The following RNF212B variants were observed in gnomAD, a reference collection of about 807,000 sequenced individuals.
The protein encoded by RNF212B is ring finger protein 212B, also known as E3 ubiquitin-protein ligase RNF212B.
Under a neutral mutation model 55.5 loss-of-function variants are expected in RNF212B, and 52 were observed. The observed-to-expected ratio is 0.94, with a 90% CI of 0.75 to 1.18. The LOEUF (loss-of-function observed/expected upper bound fraction) is 1.18, where lower values mean the gene tolerates loss of function less well. Among genes scored for constraint, RNF212B ranks in the 50% most tolerant of loss-of-function variants. RNF212B has a pLI of 0.00. For missense variants in RNF212B, 289 were observed against 350.4 expected (o/e 0.82, Z 1.40); for synonymous variants, 99 against 121.4 (o/e 0.82, Z 1.21).
chr14:23,241,974 C>T (rs1358323786), intron 2 of RNF212B, among the ~76,000 whole-genome samples: 1 of 147,956 alleles, frequency 6.8e-6, no homozygotes, highest in Non-Finnish European at 1.5e-5. Context: ...CCCAGCTACT[C>T]AGGAGGCTGA....
intron 4 of RNF212B, among the ~76,000 whole-genome samples, chr14:23,250,341 G>A (rs1276990882): frequency 6.6e-6 from 1 of 151,956 alleles, no homozygotes; most frequent in Non-Finnish European, 1.5e-5. Context: ...TTAGCCAGGT[G>A]TCATGGTGGC....
At chr14:23,254,057 C>T (rs548225201) in intron 4 of RNF212B, among the ~76,000 whole-genome samples, 11 of 152,088 alleles carry the variant, frequency 7.2e-5, no homozygotes, top group African/African-American at 2.2e-4. Context: ...AGTGGGAGAA[C>T]GGCTAGATCC....
chr14:23,268,787 A>T (rs1792938889), intron 11 of RNF212B, 137 bp from the exon 12 acceptor site: 2 of 652,548 alleles, frequency 3.1e-6, no homozygotes, highest in African/African-American at 1.8e-5. Context: ...GAGCTTTTTC[A>T]CTTGGCATTA....
intron 1 of RNF212B, among the ~76,000 whole-genome samples, chr14:23,239,478 G>A (rs1883395872): frequency 6.6e-6 from 1 of 152,080 alleles, no homozygotes; most frequent in Non-Finnish European, 1.5e-5. Flanking sequence ...TGTCCCAAGT[G>A]GCTAATATGT....
At chr14:23,268,530 T>C (rs1452919712) in intron 11 of RNF212B, among the ~76,000 whole-genome samples, 1 of 152,252 alleles carries the variant, frequency 6.6e-6, no homozygotes, top group Non-Finnish European at 1.5e-5. Flanking sequence ...TCATTGCTTT[T>C]ATGGAGGAGG....
At chr14:23,232,725 C>T (rs547804605) in intron 2 of RNF212B, among the ~76,000 whole-genome samples, 37 of 143,784 alleles carry the variant, frequency 2.6e-4, no homozygotes, top group East Asian at 4.7e-4. Flanking sequence ...CCGCCCCGTC[C>T]GGGAGGGAGG....
chr14:23,248,861 T>C (rs1377842774), intron 4 of RNF212B, among the ~76,000 whole-genome samples: 1 of 152,210 alleles, frequency 6.6e-6, no homozygotes, highest in Non-Finnish European at 1.5e-5. Context: ...TGTCAACAAA[T>C]GAATTTTTGT....
chr14:23,189,954 G>C (rs983312627), intron 1 of RNF212B, among the ~76,000 whole-genome samples: 1 of 152,036 alleles, frequency 6.6e-6, no homozygotes, highest in African/African-American at 2.4e-5. Context: ...TCACCTTGTG[G>C]AATCCATTGT....
At chr14:23,186,826 A>G (rs970666910) in intron 1 of RNF212B, among the ~76,000 whole-genome samples, 1 of 152,240 alleles carries the variant, frequency 6.6e-6, no homozygotes, top group African/African-American at 2.4e-5. Flanking sequence ...GTAAAAAACA[A>G]GACAGTCTAT....
chr14:23,207,803 G>A (rs1336250293), intron 2 of RNF212B, among the ~76,000 whole-genome samples: 2 of 152,146 alleles, frequency 1.3e-5, no homozygotes, highest in Non-Finnish European at 2.9e-5. Flanking sequence ...CAAGGTGGTC[G>A]GGGTACAGCT....
At position 23,210,806 on chromosome 14, in the gene RNF212B, A is replaced by T. The variant is rs1041851713; in HGVS notation, c.-2+17405A>T. On this transcript the variant is annotated intron_variant, in intron 2 of 15. Coordinates refer to the RNF212B transcript ENST00000399910. Reference sequence around the variant, plus strand: ...AAAAAAAAAAAAAAAGAAATGTAGGATGATAACATTAGGGAAAACTGAAAC... The same window carrying T: ...AAAAAAAAAAAAAAAGAAATGTAGGTTGATAACATTAGGGAAAACTGAAAC... Among the ~76,000 whole-genome samples the T allele has an allele frequency of 5.3e-5, 8 of 150,116 alleles. No homozygotes were observed. In the East Asian group the frequency reaches 1.2e-3, roughly 22 times the overall value.
At chr14:23,201,766 G>A (rs1356588786) in intron 2 of RNF212B, among the ~76,000 whole-genome samples, 1 of 152,066 alleles carries the variant, frequency 6.6e-6, no homozygotes, top group African/African-American at 2.4e-5. Flanking sequence ...GGTAATTCAA[G>A]GATTTCAAAA....
intron 2 of RNF212B, among the ~76,000 whole-genome samples, chr14:23,227,924 GTTTTT>G (rs1332049576): frequency 5.5e-5 from 8 of 146,554 alleles, no homozygotes; most frequent in Non-Finnish European, 1.0e-4. Flanking sequence ...AAATATAAAA[GTTTTT>G]TAAAAATCTC....
At chr14:23,264,533 C>G (rs1432860941) in intron 10 of RNF212B, 90 bp from the exon 11 acceptor site, 2 of 944,352 alleles carry the variant, frequency 2.1e-6, no homozygotes, top group Non-Finnish European at 3.0e-6. Context: ...ACAATATATG[C>G]TTGAATGTGT....
chr14:23,197,353 C>A (rs1878819520), intron 2 of RNF212B, among the ~76,000 whole-genome samples: 1 of 152,080 alleles, frequency 6.6e-6, no homozygotes, highest in Non-Finnish European at 1.5e-5. Context: ...ATGGTGAAAC[C>A]CTGTCTCTAC....
In RNF212B at chr14:23,214,512, T is replaced by C. The variant is rs528145368; in HGVS notation, c.-2+21111T>C. 5.3e-5 allele frequency among the ~76,000 whole-genome samples: 8 copies of C among 151,598 alleles called. No individual in the cohort carries two copies. The South Asian group carries it at 1.7e-3, about 32-fold the overall frequency. On this transcript the variant is annotated intron_variant, in intron 2 of 15. Transcript: ENST00000399910. ...CAGTCCCCCCAATAATTAAATTAAA[T>C]TAAAATTTTAAAATTAAATTAATTT...
At chr14:23,197,762 C>T (rs913202753) in intron 2 of RNF212B, among the ~76,000 whole-genome samples, 5 of 145,974 alleles carry the variant, frequency 3.4e-5, no homozygotes, top group Non-Finnish European at 7.4e-5. Flanking sequence ...CTATTTCCCC[C>T]TTCTATGTCT....
chr14:23,236,376 G>A (rs1011847812), upstream of RNF212B, among the ~76,000 whole-genome samples: 3 of 152,186 alleles, frequency 2.0e-5, no homozygotes, highest in Middle Eastern at 3.4e-3. Flanking sequence ...TTAGCTGGGC[G>A]TAATGGCAGG....
chr14:23,228,581 C>G (rs113872988), intron 2 of RNF212B, among the ~76,000 whole-genome samples: 89 of 151,302 alleles, frequency 5.9e-4, no homozygotes, highest in African/African-American at 1.0e-3. Context: ...CCCAGGACTT[C>G]CAGGTTGCAG....
Sources: gnomAD v4.1 joint callset for allele counts (sites outside exome capture counted in the v4.1 genomes callset) on GRCh38, gnomAD v4.1.1 for gene constraint, MANE v1.5 for transcripts, NCBI Gene and HGNC (gene_info 2026-07-23, HGNC 2026-07-21) for gene names.